Variants in ZCCHC4 observed in about 807,000 individuals in gnomAD.
ZCCHC4 encodes rRNA N(6)-adenosine-methyltransferase ZCCHC4.
Under a neutral mutation model 67.7 loss-of-function variants are expected in ZCCHC4, and 54 were observed. The ratio of observed to expected loss-of-function variants is 0.80; its 90% CI spans 0.64 to 1.00. ZCCHC4 has a LOEUF of 1.00. Ranked by LOEUF, ZCCHC4 falls within the 50% of genes least tolerant of loss-of-function variation. The pLI is 0.00. For synonymous variants in ZCCHC4, 198 were observed against 213.5 expected, an observed-to-expected ratio of 0.93 and a Z score of 0.63; for missense variants, 609 against 617.0, an observed-to-expected ratio of 0.99 and a Z score of 0.14.
At chr4:25,366,338 C>CA (rs1214923650) in intron 12 of ZCCHC4, 2 of 699,962 alleles carry the variant, frequency 2.9e-6, no homozygotes, top group African/African-American at 4.8e-5. Flanking sequence ...TTTTTAAAGA[C>CA]AGAGTCTTGC....
At chr4:25,365,578 G>A (rs1720909692) in intron 12 of ZCCHC4, 1 of 987,720 alleles carries the variant, frequency 1.0e-6, no homozygotes, top group South Asian at 4.7e-5. Context: ...TGAATAGCAA[G>A]TAATTCCACA....
intron 6 of ZCCHC4, 55 bp downstream of exon 6, chr4:25,345,675 A>G: frequency 2.6e-6 from 3 of 1,173,746 alleles, no homozygotes; most frequent in Non-Finnish European, 3.7e-6. Context: ...AACAGATTTC[A>G]GAGTGCCTCC....
chr4:25,330,634 C>A (rs1487785106), intron 3 of ZCCHC4, among the ~76,000 whole-genome samples: 1 of 152,168 alleles, frequency 6.6e-6, no homozygotes, highest in Non-Finnish European at 1.5e-5. Flanking sequence ...AGTTTGCTGA[C>A]CCTGCTTTTG....
chr4:25,313,164 G>C (rs564005411), intron 1 of ZCCHC4, among the ~76,000 whole-genome samples: 1 of 152,176 alleles, frequency 6.6e-6, no homozygotes, highest in Non-Finnish European at 1.5e-5. Flanking sequence ...CATCTCTTTT[G>C]GGGGGAAGGG....
intron 3 of ZCCHC4, among the ~76,000 whole-genome samples, chr4:25,332,327 C>G (rs1048181708): frequency 6.7e-6 from 1 of 148,586 alleles, no homozygotes; most frequent in Non-Finnish European, 1.5e-5. Flanking sequence ...AGATATGACT[C>G]TTCCCAAACT....
chr4:25,354,905 CTTTTTTTTTT>C (rs61156499), intron 8 of ZCCHC4, among the ~76,000 whole-genome samples: 3 of 101,552 alleles, frequency 3.0e-5, no homozygotes, highest in East Asian at 2.8e-4. Context: ...TTGATTAGGC[CTTTTTTTTTT>C]TTTTTTTTTT....
At chr4:25,363,098 A>G (rs1333067138) in intron 10 of ZCCHC4, among the ~76,000 whole-genome samples, 2 of 152,160 alleles carry the variant, frequency 1.3e-5, no homozygotes, top group African/African-American at 4.8e-5. Context: ...GTATAATGAC[A>G]TGTTTTCACC....
chr4:25,354,905 C>T (rs573427984), intron 8 of ZCCHC4, among the ~76,000 whole-genome samples: 7 of 101,522 alleles, frequency 6.9e-5, no homozygotes, highest in South Asian at 3.6e-4. Context: ...TTGATTAGGC[C>T]TTTTTTTTTT....
chr4:25,329,649 C>T (rs1719077264), intron 3 of ZCCHC4, among the ~76,000 whole-genome samples: 1 of 151,632 alleles, frequency 6.6e-6, no homozygotes, highest in East Asian at 1.9e-4. Context: ...ATTCTCCTGC[C>T]TCAGCCTCCC....
intron 5 of ZCCHC4, among the ~76,000 whole-genome samples, chr4:25,338,858 A>G (rs1719596817): frequency 6.6e-6 from 1 of 152,210 alleles, no homozygotes; most frequent in Non-Finnish European, 1.5e-5. Context: ...TACTGCTATG[A>G]ACATTTGTGT....
At chr4:25,330,818 T>G (rs1172372127) in intron 3 of ZCCHC4, among the ~76,000 whole-genome samples, 1 of 152,194 alleles carries the variant, frequency 6.6e-6, no homozygotes, top group Non-Finnish European at 1.5e-5. Flanking sequence ...GTGTGTATTT[T>G]CCAGTGATAA....
chr4:25,340,396 T>C (rs762849649), intron 5 of ZCCHC4, among the ~76,000 whole-genome samples: 1 of 152,192 alleles, frequency 6.6e-6, no homozygotes, highest in Non-Finnish European at 1.5e-5. Flanking sequence ...ATGATTACTG[T>C]TGCTGTATGG....
chr4:25,361,952 A>G lies in ZCCHC4; in HGVS notation c.1105A>G (p.Ile369Val). 6.2e-7 allele frequency: 1 copy of G among 1,614,112 alleles called. No individual in the cohort carries two copies. The highest frequency in any genetic ancestry group is 8.5e-7 in the Non-Finnish European group (1 of 1,179,986). Residue 369 changes from isoleucine (I) to valine (V), a missense_variant, in exon 9 of 13, where the codon ATA becomes GTA. Transcript: ENST00000302874. ...RIFTNIPPNK[I>V]ILPTEEGYRF... ...TTTCACCAACATTCCGCCCAACAAA[A>G]TAATCCTTCCTACTGAAGAAGGGTA...
intron 3 of ZCCHC4, among the ~76,000 whole-genome samples, chr4:25,328,113 TTC>T (rs1481713573): frequency 6.6e-6 from 1 of 152,228 alleles, no homozygotes; most frequent in Non-Finnish European, 1.5e-5. Flanking sequence ...TTGGTAAGTG[TTC>T]TCTCTTCAGT....
intron 8 of ZCCHC4, among the ~76,000 whole-genome samples, chr4:25,360,437 A>T (rs1720685763): frequency 6.6e-6 from 1 of 152,194 alleles, no homozygotes; most frequent in South Asian, 2.1e-4. Flanking sequence ...CCAGCTGTGG[A>T]AGGGAGCTGA....
At position 25,312,836 on chromosome 4, in the gene ZCCHC4, A is replaced by C; in HGVS notation, c.27A>C (p.Glu9Asp). ...TGGCGGCCTCCAGGAATGGGTTTGA[A>C]GCCGTGGAGGCAGAGGGCAGCGCAG... is the stretch of plus-strand genomic sequence containing the variant. MAASRNGF[E>D]AVEAEGSAGC... Residue 9 changes from glutamate to aspartate, a missense_variant, in exon 1 of 13, where the codon GAA becomes GAC. Transcript: ENST00000302874. 6.2e-7 allele frequency: 1 copy of C among 1,613,234 alleles called. No individual in the cohort carries two copies. The highest frequency in any genetic ancestry group is 8.5e-7 in the Non-Finnish European group (1 of 1,180,018).
At chr4:25,362,631 G>T (rs545658755) in intron 10 of ZCCHC4, among the ~76,000 whole-genome samples, 3 of 152,124 alleles carry the variant, frequency 2.0e-5, no homozygotes, top group Non-Finnish European at 4.4e-5. Context: ...AGGCATTGAC[G>T]TATTGGGTAC....
At chr4:25,365,429 G>A in intron 12 of ZCCHC4, 1 of 1,211,536 alleles carries the variant, frequency 8.3e-7, no homozygotes, top group Non-Finnish European at 1.0e-6. Flanking sequence ...CCTCTCCTTG[G>A]CTTTACGTCT....
intron 12 of ZCCHC4, among the ~76,000 whole-genome samples, chr4:25,368,435 G>A (rs1181645349): frequency 5.9e-5 from 9 of 152,266 alleles, no homozygotes; most frequent in South Asian, 2.1e-4. Flanking sequence ...TTTTCAGAGG[G>A]TGAGTTCCAG....
Sources: gnomAD v4.1 joint callset for allele counts (sites outside exome capture counted in the v4.1 genomes callset) on GRCh38, gnomAD v4.1.1 for gene constraint, MANE v1.5 for transcripts, NCBI Gene and HGNC (gene_info 2026-07-23, HGNC 2026-07-21) for gene names.